ANTXR1: variants seen among roughly 807,000 people sequenced by gnomAD.
ANTXR1 encodes the protein ANTXR cell adhesion molecule 1.
Under a neutral mutation model 78.1 loss-of-function variants are expected in ANTXR1, and 19 were observed. The observed-to-expected ratio is 0.24, with a 90% CI of 0.17 to 0.36. ANTXR1 has a LOEUF of 0.36. Ranked by LOEUF, ANTXR1 falls within the 10% of genes least tolerant of loss-of-function variation. The probability of loss-of-function intolerance (pLI) is 1.00; values close to 1 mark genes in which losing one functional copy is unlikely to be tolerated. For synonymous variants in ANTXR1, 273 were observed against 260.5 expected (o/e 1.05, Z -0.46); for missense variants, 518 against 718.6 (o/e 0.72, Z 3.19).
At chr2:69,134,350 T>G (rs2104403088) in intron 12 of ANTXR1, among the ~76,000 whole-genome samples, 1 of 152,316 alleles carries the variant, frequency 6.6e-6, no homozygotes, top group East Asian at 1.9e-4. Flanking sequence ...GAGCCCTAAT[T>G]CTACAGATTA....
intron 10 of ANTXR1, chr2:69,103,243 C>A (rs1042257187): frequency 3.8e-5 from 16 of 423,148 alleles, no homozygotes; most frequent in African/African-American, 3.0e-4. Flanking sequence ...CCTCCGGAAG[C>A]AGCGGGGCAC....
intron 17 of ANTXR1, among the ~76,000 whole-genome samples, chr2:69,227,220 T>G (rs1675479085): frequency 6.6e-6 from 1 of 152,198 alleles, no homozygotes; most frequent in African/African-American, 2.4e-5. Context: ...ACTTCAGGGT[T>G]TTGACTACTG....
At chr2:69,139,967 A>G (rs1673025147) in intron 12 of ANTXR1, among the ~76,000 whole-genome samples, 1 of 152,234 alleles carries the variant, frequency 6.6e-6, no homozygotes, top group African/African-American at 2.4e-5. Context: ...TCCAAGAACT[A>G]AAGTACTCCA....
At chr2:69,096,379 G>GGAAGGGAGGAAGGAA (rs1558541669) in intron 9 of ANTXR1, among the ~76,000 whole-genome samples, 2 of 73,070 alleles carry the variant, frequency 2.7e-5, no homozygotes, top group Non-Finnish European at 5.3e-5. Flanking sequence ...GGAGGAAGGA[G>GGAAGGGAGGAAGGAA]GGAAGGAAGG....
intron 17 of ANTXR1, among the ~76,000 whole-genome samples, chr2:69,204,846 T>C (rs10171074): frequency 0.61 from 92,654 of 152,032 alleles, 28,643 homozygotes; most frequent in East Asian, 0.9. Flanking sequence ...TCCTCCCACA[T>C]GGGGCTGCTC....
intron 12 of ANTXR1, chr2:69,135,249 T>G (rs1672876070): frequency 6.2e-6 from 1 of 160,072 alleles, no homozygotes; most frequent in South Asian, 1.7e-4. Flanking sequence ...TCTAAGTATT[T>G]TAAAGAATGT....
At chr2:69,044,501 A>C (rs1378909056) in intron 2 of ANTXR1, among the ~76,000 whole-genome samples, 1 of 152,164 alleles carries the variant, frequency 6.6e-6, no homozygotes, top group African/African-American at 2.4e-5. Context: ...ACACTCACTA[A>C]GCAATGATAT....
intron 12 of ANTXR1, among the ~76,000 whole-genome samples, chr2:69,146,817 C>T (rs886499591): frequency 7.9e-5 from 12 of 152,242 alleles, no homozygotes; most frequent in African/African-American, 2.9e-4. Context: ...CAGATGGTCC[C>T]ACTTAGTTCC....
At chr2:69,168,743 C>T (rs1193458883) in intron 13 of ANTXR1, among the ~76,000 whole-genome samples, 2 of 152,180 alleles carry the variant, frequency 1.3e-5, no homozygotes, top group Non-Finnish European at 2.9e-5. Context: ...GCGATCCTCC[C>T]CAGAGATTTC....
rs996925752 is a variant in ANTXR1, at chr2:69,122,688, G to A, written c.803-329G>A. Among the ~76,000 whole-genome samples, 4 of 152,106 alleles carry A rather than the reference G, an allele frequency of 2.6e-5. No individual in the cohort carries two copies. In the East Asian group the frequency reaches 7.7e-4, roughly 29 times the overall value. Reference sequence around the variant, plus strand: ...TATACATGTGCCATATTGGTGTGCTGCACCCATTAACTCGTCATTTACATT... The same window carrying A: ...TATACATGTGCCATATTGGTGTGCTACACCCATTAACTCGTCATTTACATT... On this transcript the variant is annotated intron_variant, in intron 10 of 17. Coordinates refer to ENST00000303714, the MANE Select transcript of ANTXR1 (RefSeq NM_032208.3).
intron 2 of ANTXR1, among the ~76,000 whole-genome samples, chr2:69,042,132 G>A (rs999252451): frequency 1.3e-5 from 2 of 152,266 alleles, no homozygotes; most frequent in South Asian, 2.1e-4. Context: ...CAATAACAGT[G>A]GCTGATGCCA....
chr2:69,036,358 G>A (rs1669424159), intron 1 of ANTXR1, among the ~76,000 whole-genome samples: 1 of 152,182 alleles, frequency 6.6e-6, no homozygotes, highest in Non-Finnish European at 1.5e-5. Context: ...TATCCTTTGT[G>A]TAACAAACAA....
intron 1 of ANTXR1, among the ~76,000 whole-genome samples, chr2:69,018,238 G>C (rs1671082781): frequency 6.6e-6 from 1 of 152,082 alleles, no homozygotes; most frequent in South Asian, 2.1e-4. Flanking sequence ...TTCCCCGTAA[G>C]ACCTCCGACT....
intron 10 of ANTXR1, among the ~76,000 whole-genome samples, chr2:69,106,313 T>C (rs1205782020): frequency 1.3e-5 from 2 of 152,186 alleles, no homozygotes; most frequent in Non-Finnish European, 2.9e-5. Context: ...ACAAAATAGA[T>C]CCAAAAATCT....
intron 14 of ANTXR1, among the ~76,000 whole-genome samples, chr2:69,175,065 T>C (rs7608832): frequency 0.062 from 9,501 of 152,266 alleles, 987 homozygotes; most frequent in African/African-American, 0.22. Context: ...AGAGCAAGTC[T>C]TCCTGATGCT....
intron 8 of ANTXR1, among the ~76,000 whole-genome samples, chr2:69,080,427 A>G (rs1372294037): frequency 1.3e-5 from 2 of 152,252 alleles, no homozygotes; most frequent in East Asian, 3.8e-4. Flanking sequence ...ATTATCCAAA[A>G]TAAGATTGCA....
At chr2:69,229,876 T>C (rs572763058) in intron 17 of ANTXR1, among the ~76,000 whole-genome samples, 2 of 152,226 alleles carry the variant, frequency 1.3e-5, no homozygotes, top group South Asian at 2.1e-4. Context: ...TACATTGGAC[T>C]TGATGCCATT....
intron 12 of ANTXR1, chr2:69,145,511 T>A: frequency 6.9e-7 from 1 of 1,453,746 alleles, no homozygotes; most frequent in Non-Finnish European, 9.1e-7. Flanking sequence ...TTACGCACAC[T>A]GAGTGCCCCA....
At chr2:69,215,043 A>G (rs76538535) in intron 17 of ANTXR1, among the ~76,000 whole-genome samples, 8,853 of 152,160 alleles carry the variant, frequency 0.058, 694 homozygotes, top group African/African-American at 0.17. Flanking sequence ...GTCCACAAGA[A>G]AGACTTACAG....
Sources: gnomAD v4.1 joint callset for allele counts (sites outside exome capture counted in the v4.1 genomes callset) on GRCh38, gnomAD v4.1.1 for gene constraint, MANE v1.5 for transcripts, NCBI Gene and HGNC (gene_info 2026-07-23, HGNC 2026-07-21) for gene names.